The following FAM227B variants were observed in gnomAD, a reference collection of about 807,000 sequenced individuals.
The protein encoded by FAM227B is protein FAM227B.
A neutral mutation model predicts 73.8 loss-of-function variants in FAM227B; 88 were observed. The observed-to-expected ratio is 1.19, with a 90% CI of 1.00 to 1.42. FAM227B has a LOEUF of 1.42. FAM227B is among the 40% of genes most tolerant of loss of function. FAM227B has a pLI of 0.00. For missense variants in FAM227B, 632 were observed against 590.9 expected (o/e 1.07, Z -0.72); for synonymous variants, 210 against 190.5 (o/e 1.10, Z -0.84).
intron 11 of FAM227B, among the ~76,000 whole-genome samples, chr15:49,442,656 C>A (rs544947613): frequency 1.3e-5 from 2 of 151,710 alleles, no homozygotes; most frequent in South Asian, 4.2e-4. Flanking sequence ...AATGCAGTGT[C>A]TTTTATTGTT....
chr15:49,477,121 A>C (rs1474590269), intron 11 of FAM227B, among the ~76,000 whole-genome samples: 2 of 151,688 alleles, frequency 1.3e-5, no homozygotes, highest in Admixed American at 6.6e-5. Flanking sequence ...ATTTCCCCCC[A>C]CAGTTCCTCC....
At chr15:49,374,629 C>A (rs114241454) in intron 11 of FAM227B, among the ~76,000 whole-genome samples, 1 of 152,116 alleles carries the variant, frequency 6.6e-6, no homozygotes, top group Admixed American at 6.5e-5. Context: ...ATCTAGGCTC[C>A]GCCTCCCAGG....
At chr15:49,436,139 C>T (rs1214601982) in intron 11 of FAM227B, among the ~76,000 whole-genome samples, 1 of 151,512 alleles carries the variant, frequency 6.6e-6, no homozygotes, top group African/African-American at 2.4e-5. Context: ...TAAAATTATA[C>T]ATGGGCCTGT....
intron 3 of FAM227B, among the ~76,000 whole-genome samples, chr15:49,602,826 G>A (rs879180697): frequency 6.6e-6 from 1 of 152,134 alleles, no homozygotes; most frequent in South Asian, 2.1e-4. Context: ...TTTTGTATAT[G>A]GAAAGAGATA....
intron 10 of FAM227B, among the ~76,000 whole-genome samples, chr15:49,533,062 T>C (rs902256699): frequency 6.6e-6 from 1 of 151,910 alleles, no homozygotes; most frequent in East Asian, 1.9e-4. Flanking sequence ...CAATTGCTTT[T>C]GTTGTATCCC....
chr15:49,468,475 A>G (rs1197107245), intron 11 of FAM227B, among the ~76,000 whole-genome samples: 2 of 152,136 alleles, frequency 1.3e-5, no homozygotes, highest in African/African-American at 2.4e-5. Context: ...TAAATCTGTT[A>G]TTTAACAGCT....
intron 11 of FAM227B, among the ~76,000 whole-genome samples, chr15:49,476,390 T>C (rs1355801067): frequency 1.3e-5 from 2 of 151,994 alleles, no homozygotes; most frequent in Non-Finnish European, 1.5e-5. Flanking sequence ...AAAATATTAC[T>C]GGCTCTTGTT....
At chr15:49,543,446 G>A (rs969768442) in intron 9 of FAM227B, among the ~76,000 whole-genome samples, 10 of 151,754 alleles carry the variant, frequency 6.6e-5, no homozygotes, top group Non-Finnish European at 1.2e-4. Context: ...TGTTTGCACC[G>A]ACTCAGGAGG....
At chr15:49,366,156 C>T (rs2045143834) in intron 13 of FAM227B, 1 of 953,236 alleles carries the variant, frequency 1.0e-6, no homozygotes, top group Non-Finnish European at 1.7e-6. Context: ...ACAGCAATTA[C>T]AAAAATAACC....
intron 11 of FAM227B, among the ~76,000 whole-genome samples, chr15:49,384,834 A>G (rs187566465): frequency 1.3e-5 from 2 of 152,034 alleles, no homozygotes; most frequent in East Asian, 3.9e-4. Context: ...TGTGTTTTAT[A>G]TGTTCTTTAT....
chr15:49,417,141 C>T (rs2049272391), intron 11 of FAM227B, among the ~76,000 whole-genome samples: 1 of 152,088 alleles, frequency 6.6e-6, no homozygotes, highest in African/African-American at 2.4e-5. Context: ...CCTGCAATCC[C>T]AGCATGTTGG....
chr15:49,346,324 C>CATATGTCCT (rs1489973169), intron 13 of FAM227B, among the ~76,000 whole-genome samples: 5 of 152,178 alleles, frequency 3.3e-5, no homozygotes, highest in African/African-American at 1.2e-4. Context: ...ATTTTCTATA[C>CATATGTCCT]ATATGTCCTA....
intron 4 of FAM227B, among the ~76,000 whole-genome samples, chr15:49,588,610 T>A (rs2076335948): frequency 8.1e-6 from 1 of 122,712 alleles, no homozygotes; most frequent in Non-Finnish European, 1.7e-5. Flanking sequence ...TAAAATTACC[T>A]TTTTTAAAAA....
intron 10 of FAM227B, among the ~76,000 whole-genome samples, chr15:49,519,279 G>A (rs2059611002): frequency 6.6e-6 from 1 of 152,108 alleles, no homozygotes; most frequent in African/African-American, 2.4e-5. Flanking sequence ...ACAGGCACAT[G>A]GTGCAAGCTG....
At chr15:49,575,140 G>A (rs776554863) in intron 7 of FAM227B, 31 bp from the exon 8 acceptor site, 1 of 1,168,112 alleles carries the variant, frequency 8.6e-7, no homozygotes, top group South Asian at 1.3e-5. Context: ...GAGATGCATG[G>A]AGATTAAAAT....
rs1230858223 is a variant in FAM227B, at chr15:49,431,429, T to C, written c.1013-60030A>G. Among the ~76,000 whole-genome samples, 4 of 151,922 alleles carry C rather than the reference T, an allele frequency of 2.6e-5. No individual in the cohort carries two copies. In the East Asian group the frequency reaches 7.8e-4, roughly 30 times the overall value. Reference sequence around the variant, plus strand: ...GTGTATGAAAGGGTTTGTGTAGTAATATGTAAAGACAAAGTGATTAAGATG... The same window carrying C: ...GTGTATGAAAGGGTTTGTGTAGTAACATGTAAAGACAAAGTGATTAAGATG... On this transcript the variant is annotated intron_variant, in intron 11 of 15. Transcript: ENST00000299338.
intron 13 of FAM227B, among the ~76,000 whole-genome samples, chr15:49,352,978 T>C (rs2151315361): frequency 6.6e-6 from 1 of 152,356 alleles, no homozygotes; most frequent in East Asian, 1.9e-4. Flanking sequence ...GTTATTCTGG[T>C]AGTCTTTTAG....
chr15:49,383,210 C>A (rs932916226), intron 11 of FAM227B, among the ~76,000 whole-genome samples: 9 of 152,038 alleles, frequency 5.9e-5, no homozygotes, highest in Non-Finnish European at 1.3e-4. Context: ...TGAGATTACA[C>A]AGTAAAACAT....
At chr15:49,484,234 C>T (rs12438444) in intron 11 of FAM227B, 275,948 of 1,031,756 alleles carry the variant, frequency 0.27, 38,341 homozygotes, top group East Asian at 0.42. Context: ...CCAAATATTA[C>T]CTGCTTACTC....
Sources: allele counts gnomAD v4.1 joint callset (sites outside exome capture counted in the v4.1 genomes callset), GRCh38; gene constraint gnomAD v4.1.1; transcripts MANE v1.5; gene names NCBI Gene and HGNC (gene_info 2026-07-23, HGNC 2026-07-21).